Variants in ARHGAP27 observed in about 807,000 individuals in gnomAD.
ARHGAP27 encodes rho GTPase-activating protein 27.
ARHGAP27 carries 53 observed loss-of-function variants against 102.0 expected under a neutral mutation model. The ratio of observed to expected loss-of-function variants is 0.52; its 90% CI spans 0.42 to 0.65. The LOEUF (loss-of-function observed/expected upper bound fraction) is 0.65, where lower values mean the gene tolerates loss of function less well. Among genes scored for constraint, ARHGAP27 ranks in the 30% least tolerant of loss-of-function variants. The probability of loss-of-function intolerance (pLI) is 0.00; values close to 1 mark genes in which losing one functional copy is unlikely to be tolerated. For synonymous variants in ARHGAP27, 525 were observed against 542.8 expected (o/e 0.97, Z 0.46); for missense variants, 1,117 against 1,256.2 (o/e 0.89, Z 1.68).
At chr17:45,395,944 G>T in intron 18 of ARHGAP27, 39 bp downstream of exon 18, 1 of 1,579,430 alleles carries the variant, frequency 6.3e-7, no homozygotes, top group Non-Finnish European at 8.6e-7. Flanking sequence ...GCCCCGCCAC[G>T]CCCCTACCCC....
chr17:45,411,550 G>C (rs2047913091), intron 4 of ARHGAP27, among the ~76,000 whole-genome samples: 1 of 152,014 alleles, frequency 6.6e-6, no homozygotes, highest in Non-Finnish European at 1.5e-5. Flanking sequence ...TGTGGGGCAC[G>C]AGACACTTGT....
At chr17:45,400,316 C>A (rs770739314) in intron 12 of ARHGAP27, among the ~76,000 whole-genome samples, 21 of 152,184 alleles carry the variant, frequency 1.4e-4, no homozygotes, top group Admixed American at 2.6e-4. Context: ...GCCATCCATC[C>A]TCAATGATAT....
chr17:45,397,011 G>A lies in ARHGAP27; in HGVS notation c.1856C>T (p.Pro619Leu). Residue 619 changes from proline (P) to leucine (L), a missense_variant, in exon 14 of 20, where the codon CCC becomes CTC. Physicochemically the swap from Pro to Leu is moderately conservative, Grantham distance 98 (BLOSUM62 -3). Around this residue, in one of 3 missense-constraint regions of ARHGAP27, gnomAD observed 493 missense variants for 505.5 expected, o/e 0.98. Coordinates refer to ENST00000685559, the MANE Select transcript of ARHGAP27 (RefSeq NM_001282290.2). The stretch of plus-strand genomic sequence containing the variant: ...TCTGCTGCTCTCGCTCTCCTCTGGG[G>A]GCAGCTCTGCGGACTGGATTCCCAT... ...QGIQELSAELPPEESESSRVD... is the reference protein window; with the variant it reads ...QGIQELSAELLPEESESSRVD... The A allele has an allele frequency of 6.2e-7, 1 of 1,603,580 alleles. No individual in the cohort carries two copies. Among genetic ancestry groups the A allele is most frequent in the Non-Finnish European group, 8.5e-7 (1 of 1,179,962 alleles).
intron 4 of ARHGAP27, among the ~76,000 whole-genome samples, chr17:45,423,491 C>G (rs1200171915): frequency 6.6e-6 from 1 of 152,190 alleles, no homozygotes; most frequent in Non-Finnish European, 1.5e-5. Flanking sequence ...CTGCCAACAC[C>G]TTCCTCCTCC....
chr17:45,415,623 TTGCCTCC>T (rs772919690), intron 4 of ARHGAP27, among the ~76,000 whole-genome samples: 1 of 152,228 alleles, frequency 6.6e-6, no homozygotes, highest in Non-Finnish European at 1.5e-5. Flanking sequence ...AGAATCATCC[TTGCCTCC>T]TGCTGGCTTT....
chr17:45,423,423 G>A (rs1014878288), intron 4 of ARHGAP27, among the ~76,000 whole-genome samples: 1 of 152,048 alleles, frequency 6.6e-6, no homozygotes, highest in African/African-American at 2.4e-5. Context: ...CACTGAAAAA[G>A]GCACCCGGTC....
chr17:45,406,889 C>A (rs1438336524), intron 4 of ARHGAP27, among the ~76,000 whole-genome samples: 1 of 152,148 alleles, frequency 6.6e-6, no homozygotes, highest in African/African-American at 2.4e-5. Flanking sequence ...GGTGTCAGAA[C>A]CAATTCCAGA....
At chr17:45,418,441 G>A (rs2048701512) in intron 4 of ARHGAP27, among the ~76,000 whole-genome samples, 1 of 151,898 alleles carries the variant, frequency 6.6e-6, no homozygotes, top group South Asian at 2.1e-4. Flanking sequence ...CTGCACTCCA[G>A]CCTGGGTGAC....
At chr17:45,408,101 C>T (rs2047444568) in intron 4 of ARHGAP27, 1 of 151,098 alleles carries the variant, frequency 6.6e-6, no homozygotes, top group Non-Finnish European at 1.5e-5. Flanking sequence ...TGGTCTCTCC[C>T]TGAGCCTTAG....
In ARHGAP27 at chr17:45,395,621, G is replaced by A. The variant is rs760697658; in HGVS notation, c.2505C>T (p.His835=). Residue 835 remains histidine (H), a synonymous_variant, in exon 20 of 20, where the codon CAC becomes CAT. Transcript: ENST00000685559. ...GCACCGACATGCGGTTCTGCTCGCC[G>A]TGCTCGATCACCCTGTGGCAGGGGT... The part of the protein sequence containing the change: ...LFQHLCRVIE[H]GEQNRMSVQS... 1.2e-6 allele frequency: 2 copies of A among 1,605,516 alleles called. No homozygotes were observed. Among genetic ancestry groups the A allele is most frequent in the Non-Finnish European group, 1.7e-6 (2 of 1,176,418 alleles).
At chr17:45,423,122 G>A (rs1428002580) in intron 4 of ARHGAP27, among the ~76,000 whole-genome samples, 3 of 151,944 alleles carry the variant, frequency 2.0e-5, no homozygotes, top group Admixed American at 1.3e-4. Flanking sequence ...TGGAGGTTGC[G>A]GTGAGCCGAG....
Position 45,425,537 on chromosome 17 carries a change from C to A in ARHGAP27, c.657+4086G>T, listed in dbSNP as rs1044115156. ...ATTGGGGAAACTGCTGTGGCCACCC[C>A]CTAGTCCCCCAGGGGCGAGGACTCA... On this transcript the variant is annotated intron_variant, in intron 4 of 19. Transcript: ENST00000685559. The A allele has an allele frequency of 8.1e-6, 8 of 984,146 alleles. 1 individual carries two copies. The East Asian group carries it at 5.7e-4, about 70-fold the overall frequency. 61.0% of individuals were successfully genotyped at this position (984,146 alleles called of 1,614,324 possible). A position where few individuals can be genotyped will look rare whatever the true frequency, so the allele number is the denominator to read the frequency against.
intron 4 of ARHGAP27, among the ~76,000 whole-genome samples, chr17:45,413,233 T>C (rs2048103789): frequency 6.6e-6 from 1 of 151,900 alleles, no homozygotes; most frequent in Admixed American, 6.6e-5. Context: ...GCCGCCTTGG[T>C]CTCCCAAAAT....
intron 4 of ARHGAP27, chr17:45,429,382 G>A (rs1317242615): frequency 7.4e-7 from 1 of 1,346,154 alleles, no homozygotes. Context: ...CCACCAATTG[G>A]ATTACGAAAA....
rs375672160 is a variant in ARHGAP27, at chr17:45,402,825, G to A, written c.1639-7C>T. On this transcript the variant is annotated splice_region_variant and splice_polypyrimidine_tract_variant and intron_variant, in intron 11 of 19. Transcript: ENST00000685559. ...AAAACTTGGAAGGCTGCCTCTGTGGGAGAGGGAGGAAGGTCACAGGGAGCC... is the reference window on the plus strand; with the variant it reads ...AAAACTTGGAAGGCTGCCTCTGTGGAAGAGGGAGGAAGGTCACAGGGAGCC... 131 of 1,608,264 alleles carry A rather than the reference G, an allele frequency of 8.1e-5. No homozygotes were observed. The African/African-American group carries it at 1.1e-3, about 13-fold the overall frequency.
intron 13 of ARHGAP27, 47 bp from the exon 14 acceptor site, chr17:45,397,071 G>A (rs2045835446): frequency 2.5e-6 from 4 of 1,595,426 alleles, no homozygotes; most frequent in Non-Finnish European, 3.4e-6. Flanking sequence ...GCCAGCTGCG[G>A]GTCCTTCCAG....
intron 4 of ARHGAP27, among the ~76,000 whole-genome samples, chr17:45,419,943 G>A (rs367645597): frequency 6.6e-6 from 1 of 152,164 alleles, no homozygotes; most frequent in African/African-American, 2.4e-5. Flanking sequence ...GGTCAGGTTG[G>A]CAGAAAACAA....
chr17:45,425,465 G>A (rs1319522916), intron 4 of ARHGAP27: 1 of 747,014 alleles, frequency 1.3e-6, no homozygotes, highest in Non-Finnish European at 1.6e-6. Flanking sequence ...ATCCAGAGGG[G>A]AGGGGCCCCC....
chr17:45,393,916 T>C lies in ARHGAP27; in HGVS notation c.*1540A>G, dbSNP rs2045323109. Reference sequence around the variant, plus strand: ...AGACACATTTGTCAAAGTAGGAGAATAGAACATATTTTATTTAACAGTTGT... The same window carrying C: ...AGACACATTTGTCAAAGTAGGAGAACAGAACATATTTTATTTAACAGTTGT... On this transcript the variant is annotated 3_prime_UTR_variant, in exon 20 of 20. Transcript: ENST00000685559. 1 of 152,660 alleles carries C rather than the reference T, an allele frequency of 6.6e-6. No individual in the cohort carries two copies. The highest frequency in any genetic ancestry group is 2.4e-5 in the African/African-American group (1 of 41,450). The allele number at this position is 152,660 out of a possible 1,614,324, so 9.5% of individuals were successfully genotyped here.
Sources: gnomAD v4.1 joint callset for allele counts (sites outside exome capture counted in the v4.1 genomes callset) on GRCh38, gnomAD v4.1.1 for gene constraint, gnomAD v4.1.1 regional missense constraint, MANE v1.5 for transcripts, NCBI Gene and HGNC (gene_info 2026-07-23, HGNC 2026-07-21) for gene names.